The following CSMD3 variants were observed in gnomAD, a reference collection of about 807,000 sequenced individuals.
CSMD3 encodes the protein CUB and Sushi multiple domains 3, also known as CUB and sushi domain-containing protein 3.
In CSMD3, 177 loss-of-function variants were observed where a neutral mutation model predicts 435.2. That is an observed-to-expected ratio of 0.41 (90% CI 0.36 to 0.46). CSMD3 has a LOEUF of 0.46. Among genes scored for constraint, CSMD3 ranks in the 20% least tolerant of loss-of-function variants. CSMD3 has a pLI of 0.34. For synonymous variants in CSMD3, 1,656 were observed against 1,520.5 expected (o/e 1.09, Z -2.07); for missense variants, 4,265 against 4,504.6 (o/e 0.95, Z 1.52).
chr8:112,332,725 T>G (rs1003930227), intron 45 of CSMD3, among the ~76,000 whole-genome samples: 1 of 152,174 alleles, frequency 6.6e-6, no homozygotes, highest in Non-Finnish European at 1.5e-5. Context: ...GCAATTTTTT[T>G]GCACCTTATT....
At chr8:113,130,765 A>T (rs2091264310) in intron 4 of CSMD3, among the ~76,000 whole-genome samples, 1 of 152,108 alleles carries the variant, frequency 6.6e-6, no homozygotes, top group South Asian at 2.1e-4. Context: ...AGATGTGGGG[A>T]AGTTTGGAAC....
intron 4 of CSMD3, among the ~76,000 whole-genome samples, chr8:113,165,689 C>T (rs1049029032): frequency 3.3e-5 from 5 of 151,704 alleles, no homozygotes; most frequent in African/African-American, 9.7e-5. Flanking sequence ...TAAAAAAATA[C>T]ACAGATGGTC....
chr8:112,585,989 T>C (rs1830692304), intron 23 of CSMD3, among the ~76,000 whole-genome samples: 1 of 151,578 alleles, frequency 6.6e-6, no homozygotes, highest in African/African-American at 2.4e-5. Flanking sequence ...TGGAGAAAAA[T>C]GCAGAAAATA....
intron 22 of CSMD3, among the ~76,000 whole-genome samples, chr8:112,624,653 C>A (rs1834338555): frequency 6.6e-6 from 1 of 151,940 alleles, no homozygotes; most frequent in East Asian, 1.9e-4. Context: ...GAGAGAAATA[C>A]CATAAAGTAC....
intron 3 of CSMD3, among the ~76,000 whole-genome samples, chr8:113,248,905 C>G (rs911400227): frequency 6.6e-6 from 1 of 151,780 alleles, no homozygotes; most frequent in African/African-American, 2.4e-5. Context: ...TCCTGACAAT[C>G]TTATTTAGAA....
At chr8:112,790,387 T>C (rs1224470394) in intron 13 of CSMD3, among the ~76,000 whole-genome samples, 1 of 151,316 alleles carries the variant, frequency 6.6e-6, no homozygotes, top group Non-Finnish European at 1.5e-5. Context: ...ATCATATATA[T>C]GGAGAAAAAG....
At chr8:113,208,299 T>C (rs1255575505) in intron 3 of CSMD3, among the ~76,000 whole-genome samples, 1 of 152,100 alleles carries the variant, frequency 6.6e-6, no homozygotes, top group Non-Finnish European at 1.5e-5. Context: ...TCAGACTTTC[T>C]GGAATTGGGT....
chr8:112,890,798 T>A (rs1341566546), intron 10 of CSMD3, among the ~76,000 whole-genome samples: 1 of 151,656 alleles, frequency 6.6e-6, no homozygotes, highest in Non-Finnish European at 1.5e-5. Context: ...TTAATAGGCA[T>A]GGCTTTTTTG....
At chr8:113,023,977 G>A (rs571516674) in intron 5 of CSMD3, among the ~76,000 whole-genome samples, 12 of 151,854 alleles carry the variant, frequency 7.9e-5, no homozygotes, top group East Asian at 1.9e-4. Flanking sequence ...TATCTTTTTC[G>A]TTGACTATAG....
chr8:112,286,729 G>T (rs6989885), intron 58 of CSMD3, among the ~76,000 whole-genome samples: 1,665 of 152,168 alleles, frequency 0.011, 35 homozygotes, highest in African/African-American at 0.038. Context: ...CCCACTAAAA[G>T]TCTTGGAATG....
intron 9 of CSMD3, among the ~76,000 whole-genome samples, chr8:112,946,252 G>A (rs12542105): frequency 1.5e-4 from 22 of 151,624 alleles, no homozygotes; most frequent in African/African-American, 5.1e-4. Flanking sequence ...TGGTTACTAC[G>A]AGGCATAAGT....
intron 31 of CSMD3, among the ~76,000 whole-genome samples, chr8:112,490,057 T>C (rs1047275119): frequency 3.9e-5 from 6 of 152,154 alleles, no homozygotes; most frequent in Non-Finnish European, 8.8e-5. Context: ...TGATGCAAGA[T>C]GTGATGCATG....
At chr8:112,594,317 A>C (rs1166957497) in intron 22 of CSMD3, among the ~76,000 whole-genome samples, 2 of 152,200 alleles carry the variant, frequency 1.3e-5, no homozygotes, top group Non-Finnish European at 2.9e-5. Flanking sequence ...GACCGGCTTA[A>C]AAAACGGCGC....
At chr8:113,364,987 C>A (rs1203583861) in intron 1 of CSMD3, among the ~76,000 whole-genome samples, 1 of 151,908 alleles carries the variant, frequency 6.6e-6, no homozygotes, top group Non-Finnish European at 1.5e-5. Context: ...TCAAACAAAC[C>A]GTCCTTGGAA....
intron 31 of CSMD3, among the ~76,000 whole-genome samples, chr8:112,490,450 T>G (rs1001657532): frequency 2.0e-5 from 3 of 152,312 alleles, no homozygotes; most frequent in African/African-American, 7.2e-5. Context: ...ATGTTGAAAC[T>G]GACATTTCTA....
At chr8:112,752,273 G>A (rs1587178057) in intron 13 of CSMD3, among the ~76,000 whole-genome samples, 1 of 151,812 alleles carries the variant, frequency 6.6e-6, no homozygotes, top group Non-Finnish European at 1.5e-5. Context: ...ACTAACTTCG[G>A]TATCACAGTG....
chr8:112,508,192 G>A (rs1034297032), intron 28 of CSMD3, among the ~76,000 whole-genome samples: 2 of 151,876 alleles, frequency 1.3e-5, no homozygotes, highest in Non-Finnish European at 2.9e-5. Flanking sequence ...CCACAAACAC[G>A]CTCAGGTTTC....
chr8:112,984,613 A>G (rs924689539), intron 6 of CSMD3, among the ~76,000 whole-genome samples: 1 of 152,154 alleles, frequency 6.6e-6, no homozygotes, highest in Non-Finnish European at 1.5e-5. Context: ...GGAGAGACAG[A>G]TAAGTCTGTT....
At chr8:112,281,676 C>T (rs1818662463) in intron 58 of CSMD3, among the ~76,000 whole-genome samples, 1 of 152,084 alleles carries the variant, frequency 6.6e-6, no homozygotes, top group African/African-American at 2.4e-5. Flanking sequence ...TTATAAGAAT[C>T]TCTGTCTAAA....
Sources: gnomAD v4.1 joint callset for allele counts (sites outside exome capture counted in the v4.1 genomes callset) on GRCh38, gnomAD v4.1.1 for gene constraint, MANE v1.5 for transcripts, NCBI Gene and HGNC (gene_info 2026-07-23, HGNC 2026-07-21) for gene names.